Variants in TDRP observed in about 807,000 individuals in gnomAD.
TDRP encodes the protein testis development related protein.
TDRP carries 12 observed loss-of-function variants against 10.5 expected under a neutral mutation model. The observed-to-expected ratio is 1.15, with a 90% confidence interval of 0.73 to 1.86. TDRP has a LOEUF of 1.86. TDRP is among the 40% of genes most tolerant of loss of function. The pLI is 0.00. For synonymous variants in TDRP, 139 were observed against 95.4 expected, an observed-to-expected ratio of 1.46 and a Z score of -2.67; for missense variants, 353 against 229.2, an observed-to-expected ratio of 1.54 and a Z score of -3.49.
intron 1 of TDRP, among the ~76,000 whole-genome samples, chr8:501,001 T>G (rs534700965): frequency 1.3e-5 from 2 of 152,046 alleles, no homozygotes; most frequent in African/African-American, 4.8e-5. Flanking sequence ...GGTCAGGAGA[T>G]CGAGACCATC....
intron 1 of TDRP, among the ~76,000 whole-genome samples, chr8:543,082 C>G (rs1028566203): frequency 2.0e-5 from 3 of 152,062 alleles, no homozygotes; most frequent in Non-Finnish European, 4.4e-5. Flanking sequence ...CTGAGGCGGG[C>G]GGATCACGTG....
intron 1 of TDRP, among the ~76,000 whole-genome samples, chr8:517,513 T>A (rs1801789647): frequency 6.6e-6 from 1 of 152,194 alleles, no homozygotes; most frequent in Non-Finnish European, 1.5e-5. Flanking sequence ...AAGCATTCCA[T>A]TCCTTTCTGA....
At chr8:518,341 C>T (rs1801811400) in intron 1 of TDRP, among the ~76,000 whole-genome samples, 1 of 152,100 alleles carries the variant, frequency 6.6e-6, no homozygotes, top group Non-Finnish European at 1.5e-5. Flanking sequence ...CTCAATAACA[C>T]ACACAACAAA....
Position 544,714 on chromosome 8 carries a change from G to C in TDRP, c.44C>G (p.Pro15Arg), listed in dbSNP as rs1251428668. The part of the protein sequence containing the change: ...GRGRVLLDEP[P>R]EEEDGLRGGP... Reference sequence around the variant, plus strand: ...CCCACGCAGGCCGTCCTCCTCCTCGGGGGGCTCGTCCAGCAGCACTCGGCC... The same window carrying C: ...CCCACGCAGGCCGTCCTCCTCCTCGCGGGGCTCGTCCAGCAGCACTCGGCC... The change falls in exon 1 of 3, where the codon CCC becomes CGC. Residue 15 changes from proline to arginine, a missense_variant. By Grantham distance (103) the Pro-to-Arg change is moderately radical (BLOSUM62 -2). Coordinates refer to ENST00000324079, the MANE Select transcript of TDRP (RefSeq NM_001384899.1). 3 of 1,245,634 alleles carry C rather than the reference G, an allele frequency of 2.4e-6. No homozygotes were observed. Among genetic ancestry groups the C allele is most frequent in the Non-Finnish European group, 3.0e-6 (3 of 995,214 alleles). 77.2% of individuals were successfully genotyped at this position (1,245,634 alleles called of 1,614,324 possible).
chr8:538,121 G>T (rs1184329543), intron 1 of TDRP, among the ~76,000 whole-genome samples: 4 of 152,216 alleles, frequency 2.6e-5, no homozygotes, highest in Admixed American at 6.5e-5. Context: ...TAGAGGAGAG[G>T]TTTGGTTCAG....
intron 1 of TDRP, among the ~76,000 whole-genome samples, chr8:521,793 T>A (rs1313602856): frequency 1.3e-5 from 2 of 152,216 alleles, no homozygotes; most frequent in Non-Finnish European, 2.9e-5. Flanking sequence ...CAATGAGATT[T>A]GCATTGAACC....
intron 1 of TDRP, among the ~76,000 whole-genome samples, chr8:543,820 G>A (rs62485664): frequency 0.021 from 3,252 of 151,870 alleles, 71 homozygotes; most frequent in East Asian, 0.086. Context: ...GCATCAGGAG[G>A]AAGTTGCCAC....
At chr8:533,641 G>C (rs1271691223) in intron 1 of TDRP, among the ~76,000 whole-genome samples, 1 of 152,140 alleles carries the variant, frequency 6.6e-6, no homozygotes, top group African/African-American at 2.4e-5. Context: ...GGGTTACTCA[G>C]AATTCTTCAA....
chr8:519,643 G>C (rs1201046122), intron 1 of TDRP, among the ~76,000 whole-genome samples: 2 of 152,064 alleles, frequency 1.3e-5, no homozygotes, highest in East Asian at 1.9e-4. Context: ...AACCCTCAAA[G>C]GGTTGGGTTG....
At position 492,346 on chromosome 8, in the gene TDRP, G is replaced by C. The variant is rs1177775923; in HGVS notation, c.*53C>G. ...CGCGGAAAAGACTCAACAACTACAT[G>C]GTATACTCATAAAAGGCCACCATGT... On this transcript the variant is annotated 3_prime_UTR_variant, in exon 3 of 3. Coordinates refer to ENST00000324079, the MANE Select transcript of TDRP (RefSeq NM_001384899.1). 2.1e-6 allele frequency: 3 copies of C among 1,439,296 alleles called. No individual in the cohort carries two copies. The highest frequency in any genetic ancestry group is 2.7e-6 in the Non-Finnish European group (3 of 1,092,872). The allele number at this position is 1,439,296 out of a possible 1,614,324, so 89.2% of individuals were successfully genotyped here. A position where few individuals can be genotyped will look rare whatever the true frequency, so the allele number is the denominator to read the frequency against.
At chr8:507,745 G>A (rs558262424) in intron 1 of TDRP, among the ~76,000 whole-genome samples, 2 of 152,158 alleles carry the variant, frequency 1.3e-5, no homozygotes, top group African/African-American at 2.4e-5. Context: ...ATGGGAAAGG[G>A]GGAACAGTCA....
At chr8:538,208 ACTT>A (rs112855767) in intron 1 of TDRP, among the ~76,000 whole-genome samples, 7 of 152,198 alleles carry the variant, frequency 4.6e-5, no homozygotes, top group African/African-American at 1.7e-4. Context: ...CCAAGAGAAG[ACTT>A]CATCAAGGGT....
At chr8:537,671 C>T (rs56332102) in intron 1 of TDRP, among the ~76,000 whole-genome samples, 1 of 152,074 alleles carries the variant, frequency 6.6e-6, no homozygotes, top group South Asian at 2.1e-4. Flanking sequence ...AGAATTATGA[C>T]TCCTTTAAAG....
intron 1 of TDRP, among the ~76,000 whole-genome samples, chr8:525,030 T>G (rs1469238101): frequency 2.0e-5 from 3 of 152,040 alleles, no homozygotes; most frequent in Non-Finnish European, 2.9e-5. Context: ...ATCAAACTCC[T>G]AAAGACCAAA....
chr8:514,942 G>T (rs762438753), intron 1 of TDRP, among the ~76,000 whole-genome samples: 1 of 152,174 alleles, frequency 6.6e-6, no homozygotes, highest in Non-Finnish European at 1.5e-5. Flanking sequence ...ATTGGATCAT[G>T]ATGGTATTTA....
At chr8:545,074 C>A (rs1040957711), upstream of TDRP, 303 of 203,728 alleles carry the variant, frequency 1.5e-3, no homozygotes, top group African/African-American at 6.1e-3. Flanking sequence ...AGGACCAGAC[C>A]CACCCCCAAA....
intron 1 of TDRP, among the ~76,000 whole-genome samples, chr8:535,075 T>C (rs951074494): frequency 6.6e-6 from 1 of 152,244 alleles, no homozygotes; most frequent in Non-Finnish European, 1.5e-5. Flanking sequence ...CCATTTAGTC[T>C]ATAACATTTT....
rs148870482 is a variant in TDRP at position 502,411 on chromosome 8, C to T, written c.109-7814G>A. Among the ~76,000 whole-genome samples the T allele has an allele frequency of 9.7e-3, 1,477 of 152,360 alleles. 9 individuals carry two copies. Among genetic ancestry groups the T allele is most frequent in the Non-Finnish European group, 0.015 (1,038 of 68,022 alleles). Reference sequence around the variant, plus strand: ...ACCAAATTGCAGGGTGCCAGGCCAACGACCCTTCAGGGTGTGGTGGGGCTA... The same window carrying T: ...ACCAAATTGCAGGGTGCCAGGCCAATGACCCTTCAGGGTGTGGTGGGGCTA... On this transcript the variant is annotated intron_variant, in intron 1 of 2. Transcript: ENST00000324079.
Position 492,550 on chromosome 8 carries a change from C to CA in TDRP, c.406dup (p.Trp136LeufsTer4). On this transcript the variant is annotated frameshift_variant, in exon 3 of 3. Transcript: ENST00000324079. LOFTEE classifies it low-confidence loss of function (END_TRUNC). ...GGTCGAGCCCTTGGCGTCATCCTCC[C>CA]AGCCTGACCAGGATGGGTGGCCACC... 6.2e-7 allele frequency: 1 copy of CA among 1,612,428 alleles called. No individual in the cohort carries two copies. The highest frequency in any genetic ancestry group is 8.5e-7 in the Non-Finnish European group (1 of 1,179,072).
Sources: allele counts gnomAD v4.1 joint callset (sites outside exome capture counted in the v4.1 genomes callset), GRCh38; gene constraint gnomAD v4.1.1; transcripts MANE v1.5; gene names NCBI Gene and HGNC (gene_info 2026-07-23, HGNC 2026-07-21).